NRXN3: variants seen among roughly 807,000 people sequenced by gnomAD.
NRXN3 encodes the protein neurexin 3.
Under a neutral mutation model 137.6 loss-of-function variants are expected in NRXN3, and 32 were observed. The observed-to-expected ratio is 0.23, with a 90% CI of 0.18 to 0.31. The LOEUF (loss-of-function observed/expected upper bound fraction) is 0.31. Ranked by LOEUF, NRXN3 falls within the 10% of genes least tolerant of loss-of-function variation. NRXN3 has a pLI of 1.00. For missense variants in NRXN3, 1,574 were observed against 2,062.5 expected, an observed-to-expected ratio of 0.76 and a Z score of 4.59; for synonymous variants, 798 against 784.5, an observed-to-expected ratio of 1.02 and a Z score of -0.29.
chr14:78,540,981 A>G (rs1467343878), intron 4 of NRXN3, among the ~76,000 whole-genome samples: 3 of 152,168 alleles, frequency 2.0e-5, no homozygotes, highest in Non-Finnish European at 4.4e-5. Flanking sequence ...TTCTGCTGAG[A>G]GATCTGCTGT....
At chr14:79,496,244 CACACACACACAG>C (rs2096766127) in intron 16 of NRXN3, among the ~76,000 whole-genome samples, 1 of 146,866 alleles carries the variant, frequency 6.8e-6, no homozygotes, top group Admixed American at 6.7e-5. Flanking sequence ...CTCTCACACA[CACACACACACAG>C]ACACACACAC....
intron 15 of NRXN3, among the ~76,000 whole-genome samples, chr14:79,170,345 T>A (rs994430702): frequency 6.6e-6 from 1 of 152,064 alleles, no homozygotes; most frequent in African/African-American, 2.4e-5. Flanking sequence ...AAATGGGAGA[T>A]TAAAGTTGGT....
intron 15 of NRXN3, among the ~76,000 whole-genome samples, chr14:79,410,822 T>G (rs2095407231): frequency 1.3e-5 from 2 of 152,164 alleles, no homozygotes; most frequent in Admixed American, 6.6e-5. Context: ...TAGGTAATGC[T>G]GATACAATCT....
chr14:78,269,465 A>C (rs1052030133), intron 2 of NRXN3, among the ~76,000 whole-genome samples: 4 of 152,194 alleles, frequency 2.6e-5, no homozygotes, highest in African/African-American at 9.6e-5. Context: ...AATTAGTTTT[A>C]ATAGGTAAAG....
At chr14:79,076,815 G>C (rs2152738443) in intron 15 of NRXN3, among the ~76,000 whole-genome samples, 1 of 152,252 alleles carries the variant, frequency 6.6e-6, no homozygotes, top group Middle Eastern at 3.4e-3. Flanking sequence ...CAAATGCAGG[G>C]TCTGCTGAGA....
intron 15 of NRXN3, among the ~76,000 whole-genome samples, chr14:79,194,790 A>T (rs2064909585): frequency 6.6e-6 from 1 of 152,188 alleles, no homozygotes; most frequent in Admixed American, 6.5e-5. Context: ...GATCTCCTAG[A>T]TGAGCTGGGC....
At chr14:78,227,348 G>GAA (rs201824696) in intron 1 of NRXN3, among the ~76,000 whole-genome samples, 2 of 147,150 alleles carry the variant, frequency 1.4e-5, no homozygotes, top group Non-Finnish European at 3.0e-5. Flanking sequence ...GATGGGAGTT[G>GAA]AAAAAAAAAA....
chr14:79,738,715 C>T (rs533025110), intron 19 of NRXN3, among the ~76,000 whole-genome samples: 31 of 152,150 alleles, frequency 2.0e-4, no homozygotes, highest in African/African-American at 6.7e-4. Flanking sequence ...CTCACCACCA[C>T]GCCCAGCTAA....
chr14:79,660,643 C>T (rs1293377571), intron 16 of NRXN3, among the ~76,000 whole-genome samples: 2 of 152,184 alleles, frequency 1.3e-5, no homozygotes, highest in East Asian at 3.9e-4. Flanking sequence ...TACTTGGCCA[C>T]TGCTGTCACT....
At chr14:78,668,617 C>T (rs1024365615) in intron 6 of NRXN3, among the ~76,000 whole-genome samples, 2 of 152,118 alleles carry the variant, frequency 1.3e-5, no homozygotes, top group East Asian at 1.9e-4. Context: ...GACAGCCCTT[C>T]GGTGACAAGG....
rs1353586843 is a variant in NRXN3, at chr14:79,394,068, AC to A, written c.3263-73152del. ...TTGGATAAGAATATTTTATAAAAAA[AC>A]AAATCATAGTATTAGGCATAGTTTA... is the stretch of plus-strand genomic sequence containing the variant. On this transcript the variant is annotated intron_variant, in intron 15 of 20. Coordinates refer to ENST00000335750, the MANE Select transcript of NRXN3 (RefSeq NM_001330195.2). Among the ~76,000 whole-genome samples, 4 of 152,226 alleles carry A rather than the reference AC, an allele frequency of 2.6e-5. No individual in the cohort carries two copies. In the East Asian group the frequency reaches 7.7e-4, roughly 29 times the overall value.
At position 78,860,208 on chromosome 14, in the gene NRXN3, C is replaced by A. The variant is rs2099068764; in HGVS notation, c.2275+49864C>A. Among the ~76,000 whole-genome samples, 3 of 152,098 alleles carry A rather than the reference C, an allele frequency of 2.0e-5. No homozygotes were observed. In the South Asian group the frequency reaches 6.2e-4, roughly 32 times the overall value. ...ACTGGGTACCTTATATGCATTGTTA[C>A]ATTTAATTCTCATTATAATGATTTA... On this transcript the variant is annotated intron_variant, in intron 10 of 20. Coordinates refer to ENST00000335750, the MANE Select transcript of NRXN3 (RefSeq NM_001330195.2).
At chr14:79,035,070 A>G (rs894173377) in intron 15 of NRXN3, among the ~76,000 whole-genome samples, 1 of 152,152 alleles carries the variant, frequency 6.6e-6, no homozygotes, top group African/African-American at 2.4e-5. Context: ...AAATCCTGAT[A>G]TCAACTTTAA....
chr14:78,781,250 T>C (rs912116091), intron 8 of NRXN3, among the ~76,000 whole-genome samples: 2 of 152,132 alleles, frequency 1.3e-5, no homozygotes, highest in African/African-American at 4.8e-5. Flanking sequence ...TATATATTAA[T>C]AATATAAAAA....
At chr14:78,327,836 T>C (rs1177041417) in intron 4 of NRXN3, among the ~76,000 whole-genome samples, 2 of 152,110 alleles carry the variant, frequency 1.3e-5, no homozygotes, top group East Asian at 1.9e-4. Context: ...ACTGAAAACA[T>C]GCACTCAGCC....
chr14:78,803,597 T>C (rs774186379), intron 8 of NRXN3, 23 bp from the exon 9 acceptor site: 1 of 1,610,686 alleles, frequency 6.2e-7, no homozygotes. Flanking sequence ...ATCCTAACGA[T>C]CTTCTCCATT....
intron 15 of NRXN3, among the ~76,000 whole-genome samples, chr14:79,249,821 A>C (rs1163567877): frequency 6.6e-6 from 1 of 152,204 alleles, no homozygotes; most frequent in Non-Finnish European, 1.5e-5. Context: ...TGAAAGTGAG[A>C]ATATCTAACC....
chr14:79,709,087 G>T (rs967043263), intron 19 of NRXN3, among the ~76,000 whole-genome samples: 5 of 152,004 alleles, frequency 3.3e-5, no homozygotes, highest in African/African-American at 1.2e-4. Flanking sequence ...AGATCACCTG[G>T]GTAATCTTAT....
intron 8 of NRXN3, among the ~76,000 whole-genome samples, chr14:78,783,779 A>G (rs1483919702): frequency 6.6e-6 from 1 of 152,188 alleles, no homozygotes; most frequent in East Asian, 1.9e-4. Flanking sequence ...GTACACACAA[A>G]AAACAGTCCT....
Sources: gnomAD v4.1 joint callset for allele counts (sites outside exome capture counted in the v4.1 genomes callset) on GRCh38, gnomAD v4.1.1 for gene constraint, MANE v1.5 for transcripts, NCBI Gene and HGNC (gene_info 2026-07-23, HGNC 2026-07-21) for gene names.